The following IRAG1 variants were observed in gnomAD, a reference collection of about 807,000 sequenced individuals.
IRAG1 encodes IP3R-associated cGMP kinase substrate.
Under a neutral mutation model 106.2 loss-of-function variants are expected in IRAG1, and 62 were observed. That is an observed-to-expected ratio of 0.58 (90% CI 0.48 to 0.72). The LOEUF is 0.72. IRAG1 is among the 30% of genes least tolerant of loss of function. IRAG1 has a pLI of 0.00. For missense variants in IRAG1, 1,064 were observed against 1,140.7 expected, an observed-to-expected ratio of 0.93 and a Z score of 0.97; for synonymous variants, 462 against 443.9, an observed-to-expected ratio of 1.04 and a Z score of -0.51.
chr11:10,588,727 G>A (rs1160437877), intron 18 of IRAG1, among the ~76,000 whole-genome samples: 22 of 152,176 alleles, frequency 1.4e-4, no homozygotes, highest in African/African-American at 5.3e-4. Context: ...CAGGTTAGGT[G>A]CTCATTTTCT....
intron 1 of IRAG1, among the ~76,000 whole-genome samples, chr11:10,677,379 T>C (rs1293878182): frequency 6.6e-6 from 1 of 152,124 alleles, no homozygotes; most frequent in Non-Finnish European, 1.5e-5. Flanking sequence ...GAGTAATTTA[T>C]ACATTTTTTT....
rs115206107 is a variant in IRAG1 at position 10,607,098 on chromosome 11, T to C, written c.1572-326A>G. Among the ~76,000 whole-genome samples the C allele has an allele frequency of 4.8e-3, 733 of 152,334 alleles. 5 individuals carry two copies. Among genetic ancestry groups the C allele is most frequent in the African/African-American group, 0.017 (694 of 41,568 alleles). Reference sequence around the variant, plus strand: ...TACTCATGTATGTATGTGTATGTGTTTGTATGCATAAATATATGGCATCCA... The same window carrying C: ...TACTCATGTATGTATGTGTATGTGTCTGTATGCATAAATATATGGCATCCA... On this transcript the variant is annotated intron_variant, in intron 11 of 20. Coordinates refer to ENST00000423302, the MANE Select transcript of IRAG1 (RefSeq NM_130385.4).
At chr11:10,664,402 G>A (rs1446282144) in intron 1 of IRAG1, among the ~76,000 whole-genome samples, 2 of 152,224 alleles carry the variant, frequency 1.3e-5, no homozygotes, top group Non-Finnish European at 2.9e-5. Flanking sequence ...GCATGCTACA[G>A]AAAGCTACAG....
At chr11:10,594,266 T>C in intron 15 of IRAG1, 71 bp from the exon 16 acceptor site, 1 of 1,419,304 alleles carries the variant, frequency 7.0e-7, no homozygotes, top group South Asian at 1.2e-5. Context: ...AAACAGAAAC[T>C]AGGCTATCGT....
intron 14 of IRAG1, among the ~76,000 whole-genome samples, 152 bp from the exon 15 acceptor site, chr11:10,601,211 G>A (rs888991385): frequency 5.3e-5 from 8 of 152,232 alleles, no homozygotes; most frequent in African/African-American, 1.9e-4. Context: ...TGCCATGTGA[G>A]CTGAGAGGTG....
chr11:10,670,976 C>T (rs1019782461), intron 1 of IRAG1, among the ~76,000 whole-genome samples: 1 of 152,332 alleles, frequency 6.6e-6, no homozygotes, highest in African/African-American at 2.4e-5. Flanking sequence ...GTAGCTCTGA[C>T]AATCTAATAT....
Position 10,593,605 on chromosome 11 carries a change from G to T in IRAG1, c.2068-6C>A. The T allele has an allele frequency of 6.2e-7, 1 of 1,609,108 alleles. No homozygotes were observed. Among genetic ancestry groups the T allele is most frequent in the Non-Finnish European group, 8.5e-7 (1 of 1,175,704 alleles). On this transcript the variant is annotated splice_region_variant and splice_polypyrimidine_tract_variant and intron_variant, in intron 16 of 20. Coordinates refer to ENST00000423302, the MANE Select transcript of IRAG1 (RefSeq NM_130385.4). ...ACCCTCCGGCGAGGCATATTCTGCA[G>T]GAAGAGAAGTGACCAGGCTCACTGT...
intron 3 of IRAG1, among the ~76,000 whole-genome samples, chr11:10,632,629 C>T (rs530334816): frequency 1.6e-4 from 24 of 152,178 alleles, no homozygotes; most frequent in Non-Finnish European, 1.8e-4. Context: ...GAGGTGGGCC[C>T]AGCCAGCTAT....
rs1393635378 is a variant in IRAG1 at position 10,626,085 on chromosome 11, C to T, written c.1249G>A (p.Glu417Lys). The T allele has an allele frequency of 6.5e-7, 1 of 1,542,352 alleles. No homozygotes were observed. The highest frequency in any genetic ancestry group is 2.1e-5 in the Admixed American group (1 of 47,554). ...TTGCCTGCAAAACGCTTTTCTTCCT[C>T]TGCCAGTGGCAGCTTGGCAAGCACT... ...QKVLAKLPLA[E>K]EEKRFAGKAG... The change falls in exon 9 of 21, where the codon GAG (glutamate) becomes AAG (lysine). Residue 417 changes from glutamate (E) to lysine (K), a missense_variant. Coordinates refer to ENST00000423302, the MANE Select transcript of IRAG1 (RefSeq NM_130385.4).
At chr11:10,616,123 G>A (rs1855400545) in intron 10 of IRAG1, among the ~76,000 whole-genome samples, 1 of 151,238 alleles carries the variant, frequency 6.6e-6, no homozygotes, top group South Asian at 2.1e-4. Context: ...GGCTAACGTG[G>A]TGAAACCCTA....
Position 10,593,593 on chromosome 11 carries a change from G to A in IRAG1, c.2074C>T (p.Pro692Ser), listed in dbSNP as rs768371864. Reference protein sequence around the residue: ...SMSLTLGKNMPRRRVSVAVVP... With the variant: ...SMSLTLGKNMSRRRVSVAVVP... Reference sequence around the variant, plus strand: ...ACAGCAACGCTGACCCTCCGGCGAGGCATATTCTGCAGGAAGAGAAGTGAC... The same window carrying A: ...ACAGCAACGCTGACCCTCCGGCGAGACATATTCTGCAGGAAGAGAAGTGAC... The change falls in exon 17 of 21, where the codon CCT becomes TCT. Residue 692 changes from proline (P) to serine (S), a missense_variant. Pro to Ser is a moderately conservative substitution (Grantham distance 74). Transcript: ENST00000423302. 196 of 1,612,624 alleles carry A rather than the reference G, an allele frequency of 1.2e-4. No individual in the cohort carries two copies. Among genetic ancestry groups the A allele is most frequent in the Admixed American group, 6.2e-4 (37 of 59,970 alleles).
chr11:10,644,334 G>A (rs761473377), intron 2 of IRAG1, among the ~76,000 whole-genome samples: 1 of 152,140 alleles, frequency 6.6e-6, no homozygotes, highest in Non-Finnish European at 1.5e-5. Context: ...GTGCCCAGTA[G>A]TTGCTACCAT....
intron 2 of IRAG1, among the ~76,000 whole-genome samples, chr11:10,638,148 A>G (rs1857270971): frequency 6.6e-6 from 1 of 152,260 alleles, no homozygotes; most frequent in Non-Finnish European, 1.5e-5. Context: ...GGTGCAAATT[A>G]GAGACCCATG....
chr11:10,651,426 A>C (rs1858495153), intron 2 of IRAG1, among the ~76,000 whole-genome samples: 1 of 152,232 alleles, frequency 6.6e-6, no homozygotes, highest in Non-Finnish European at 1.5e-5. Context: ...TACCCACACC[A>C]AAATCAACAT....
At chr11:10,652,499 T>C (rs1477880794) in intron 1 of IRAG1, 10 of 440,298 alleles carry the variant, frequency 2.3e-5, no homozygotes, top group Non-Finnish European at 3.0e-5. Flanking sequence ...TGAGATCACA[T>C]TGGCAGTTGT....
At chr11:10,584,546 GAA>G (rs1201961252) in intron 18 of IRAG1, among the ~76,000 whole-genome samples, 10 of 59,748 alleles carry the variant, frequency 1.7e-4, no homozygotes, top group Admixed American at 7.8e-4. Context: ...ATTCTTTCAT[GAA>G]ATATATATAT....
intron 10 of IRAG1, among the ~76,000 whole-genome samples, chr11:10,617,670 T>C (rs1299322464): frequency 6.6e-6 from 1 of 152,186 alleles, no homozygotes; most frequent in Non-Finnish European, 1.5e-5. Context: ...TCAAATTCAC[T>C]GTCTTCCTTC....
intron 1 of IRAG1, among the ~76,000 whole-genome samples, chr11:10,668,649 A>T (rs1182380979): frequency 6.6e-6 from 1 of 152,226 alleles, no homozygotes; most frequent in Non-Finnish European, 1.5e-5. Context: ...ACCCTGCTCT[A>T]ACATAATTGC....
intron 10 of IRAG1, among the ~76,000 whole-genome samples, chr11:10,619,170 G>A (rs1855652528): frequency 6.6e-6 from 1 of 152,148 alleles, no homozygotes; most frequent in Admixed American, 6.5e-5. Flanking sequence ...GATCAAAACA[G>A]CATACAATAT....
Sources: gnomAD v4.1 joint callset for allele counts (sites outside exome capture counted in the v4.1 genomes callset) on GRCh38, gnomAD v4.1.1 for gene constraint, MANE v1.5 for transcripts, NCBI Gene and HGNC (gene_info 2026-07-23, HGNC 2026-07-21) for gene names.